Variants in EPHA6 observed in about 807,000 individuals in gnomAD.
The protein encoded by EPHA6 is ephrin type-A receptor 6.
EPHA6 carries 50 observed loss-of-function variants against 112.0 expected under a neutral mutation model. That is an observed-to-expected ratio of 0.45 (90% CI 0.36 to 0.56). The LOEUF (loss-of-function observed/expected upper bound fraction) is 0.56, where lower values mean the gene tolerates loss of function less well. Among genes scored for constraint, EPHA6 ranks in the 20% least tolerant of loss-of-function variants. The pLI, the probability that EPHA6 is intolerant of heterozygous loss-of-function variation, is 0.00. For missense variants in EPHA6, 1,280 were observed against 1,417.4 expected (o/e 0.90, Z 1.56); for synonymous variants, 529 against 490.7 (o/e 1.08, Z -1.03).
intron 11 of EPHA6, among the ~76,000 whole-genome samples, chr3:97,556,562 G>A (rs2093113177): frequency 6.6e-6 from 1 of 151,992 alleles, no homozygotes; most frequent in Non-Finnish European, 1.5e-5. Context: ...ACTATCTTGA[G>A]AACAGCATGA....
chr3:97,145,103 A>G (rs375122673), intron 3 of EPHA6, among the ~76,000 whole-genome samples: 1 of 151,508 alleles, frequency 6.6e-6, no homozygotes, highest in Non-Finnish European at 1.5e-5. Flanking sequence ...ATAGAACTGT[A>G]TATTTAATAT....
At chr3:97,278,798 T>C (rs537401046) in intron 5 of EPHA6, among the ~76,000 whole-genome samples, 8 of 152,184 alleles carry the variant, frequency 5.3e-5, no homozygotes, top group African/African-American at 1.9e-4. Flanking sequence ...TTTAGGGGTA[T>C]TGGCCTGCAC....
chr3:97,211,992 AAT>A (rs2077889872), intron 3 of EPHA6, among the ~76,000 whole-genome samples: 1 of 152,200 alleles, frequency 6.6e-6, no homozygotes. Flanking sequence ...TATTATTACT[AAT>A]ATATCTTATA....
chr3:97,506,627 C>T, intron 10 of EPHA6, among the ~76,000 whole-genome samples: 1 of 152,128 alleles, frequency 6.6e-6, no homozygotes, highest in East Asian at 1.9e-4. Flanking sequence ...ATGCCTCCAG[C>T]TTTGTTCTTT....
At chr3:97,278,367 C>A (rs1227842043) in intron 5 of EPHA6, among the ~76,000 whole-genome samples, 1 of 152,132 alleles carries the variant, frequency 6.6e-6, no homozygotes, top group Non-Finnish European at 1.5e-5. Flanking sequence ...TCATTGATAA[C>A]TAATTGTATA....
chr3:97,427,049 A>C (rs536104320), intron 6 of EPHA6, among the ~76,000 whole-genome samples: 1 of 152,312 alleles, frequency 6.6e-6, no homozygotes, highest in African/African-American at 2.4e-5. Flanking sequence ...AGCAGATACT[A>C]GCGAGGTTGC....
At chr3:96,833,699 T>C (rs1449298006) in intron 1 of EPHA6, among the ~76,000 whole-genome samples, 1 of 152,006 alleles carries the variant, frequency 6.6e-6, no homozygotes, top group Non-Finnish European at 1.5e-5. Flanking sequence ...TTGAAGTGCC[T>C]CATTGTAAGA....
chr3:97,526,441 T>G (rs2092620789), intron 10 of EPHA6, among the ~76,000 whole-genome samples: 1 of 151,106 alleles, frequency 6.6e-6, no homozygotes, highest in Non-Finnish European at 1.5e-5. Context: ...TATTTTTAAA[T>G]CTGCTGTGGA....
chr3:97,565,956 G>A (rs2093260207), intron 11 of EPHA6, among the ~76,000 whole-genome samples: 1 of 149,980 alleles, frequency 6.7e-6, no homozygotes, highest in South Asian at 2.1e-4. Flanking sequence ...GGAGGTGGAG[G>A]TTGCAGTGAG....
At chr3:97,077,093 A>G (rs1168704785) in intron 3 of EPHA6, among the ~76,000 whole-genome samples, 1 of 152,168 alleles carries the variant, frequency 6.6e-6, no homozygotes, top group African/African-American at 2.4e-5. Flanking sequence ...TCATTTAAGA[A>G]TACATTTTTG....
chr3:97,328,350 C>A (rs1465527738), intron 5 of EPHA6, among the ~76,000 whole-genome samples: 2 of 151,832 alleles, frequency 1.3e-5, no homozygotes, highest in African/African-American at 4.8e-5. Flanking sequence ...TTTGCTGCAT[C>A]CTTGCCAGAA....
At chr3:97,198,990 T>C (rs988642227) in intron 3 of EPHA6, among the ~76,000 whole-genome samples, 1 of 152,118 alleles carries the variant, frequency 6.6e-6, no homozygotes, top group Non-Finnish European at 1.5e-5. Flanking sequence ...AGGGCTTTTA[T>C]TTTTGAAATT....
chr3:97,612,897 G>A (rs946614079), intron 13 of EPHA6, among the ~76,000 whole-genome samples: 5 of 152,190 alleles, frequency 3.3e-5, no homozygotes, highest in African/African-American at 1.2e-4. Context: ...AGGTGGCAGA[G>A]CAAGGATTCA....
chr3:97,603,465 AT>A (rs1445444589), intron 12 of EPHA6, among the ~76,000 whole-genome samples: 1 of 151,862 alleles, frequency 6.6e-6, no homozygotes, highest in East Asian at 1.9e-4. Flanking sequence ...TTTTTTCAGC[AT>A]TTTTCCAAGG....
At chr3:96,965,468 T>G (rs1559628253) in intron 2 of EPHA6, among the ~76,000 whole-genome samples, 1 of 152,166 alleles carries the variant, frequency 6.6e-6, no homozygotes, top group Non-Finnish European at 1.5e-5. Context: ...TTCAACTTAC[T>G]TCTGGAAAAT....
At chr3:96,963,330 A>C (rs1207858461) in intron 2 of EPHA6, among the ~76,000 whole-genome samples, 1 of 152,092 alleles carries the variant, frequency 6.6e-6, no homozygotes, top group Non-Finnish European at 1.5e-5. Context: ...ATAAACCAAA[A>C]CAAATTAGGC....
chr3:97,391,813 A>C (rs574544678), intron 5 of EPHA6, among the ~76,000 whole-genome samples: 1 of 152,048 alleles, frequency 6.6e-6, no homozygotes, highest in South Asian at 2.1e-4. Context: ...ATTATGAATG[A>C]AAGTCTTTAA....
chr3:97,048,779 G>C (rs2045591815), intron 3 of EPHA6, among the ~76,000 whole-genome samples: 1 of 152,092 alleles, frequency 6.6e-6, no homozygotes, highest in Non-Finnish European at 1.5e-5. Context: ...ATTTAAATGA[G>C]GAGGAGAGAA....
intron 2 of EPHA6, among the ~76,000 whole-genome samples, chr3:96,871,092 A>G (rs1451169883): frequency 6.6e-6 from 1 of 151,982 alleles, no homozygotes; most frequent in African/African-American, 2.4e-5. Flanking sequence ...CTTCTTAGAA[A>G]CTTCACAACA....
Sources: allele counts gnomAD v4.1 joint callset (sites outside exome capture counted in the v4.1 genomes callset), GRCh38; gene constraint gnomAD v4.1.1; transcripts MANE v1.5; gene names NCBI Gene and HGNC (gene_info 2026-07-23, HGNC 2026-07-21).